Variants in BAAT observed in about 807,000 individuals in gnomAD.
BAAT encodes the protein bile acid-CoA:amino acid N-acyltransferase.
In BAAT, 13 loss-of-function variants were observed where a neutral mutation model predicts 18.9. That is an observed-to-expected ratio of 0.69 (90% CI 0.45 to 1.10). The LOEUF is 1.10. Ranked by LOEUF, BAAT falls within the 50% of genes least tolerant of loss-of-function variation. BAAT has a pLI of 0.00. For missense variants in BAAT, 489 were observed against 504.0 expected (o/e 0.97, Z 0.28); for synonymous variants, 170 against 190.7 (o/e 0.89, Z 0.89).
chr9:101,382,541 A>G (rs1044866797), intron 1 of BAAT, among the ~76,000 whole-genome samples: 3 of 151,940 alleles, frequency 2.0e-5, no homozygotes, highest in African/African-American at 7.3e-5. Context: ...GAGGCACTTG[A>G]CCTCCAAGAT....
Position 101,362,688 on chromosome 9 carries a change from T to C in BAAT, c.997A>G (p.Ser333Gly), listed in dbSNP as rs139829321. 2.8e-4 allele frequency: 444 copies of C among 1,614,220 alleles called. 1 individual carries two copies. In the African/African-American group the frequency reaches 5.1e-3, roughly 18 times the overall value. Residue 333 changes from serine (S) to glycine (G), a missense_variant, in exon 4 of 4, where the codon AGC becomes GGC. Transcript: ENST00000259407. ...IVGEGDKTINSKAHAEQAIGQ... is the reference protein window; with the variant it reads ...IVGEGDKTINGKAHAEQAIGQ... ...ATGGCTTGTTCAGCGTGTGCTTTGC[T>C]GTTGATAGTCTTATCACCTTCTCCT...
At chr9:101,370,857 C>A in intron 2 of BAAT, 82 bp downstream of exon 2, 1 of 1,415,150 alleles carries the variant, frequency 7.1e-7, no homozygotes, top group Non-Finnish European at 1.0e-6. Context: ...ATTCTACAAG[C>A]TATTCAAGCT....
intron 3 of BAAT, among the ~76,000 whole-genome samples, chr9:101,365,377 G>A (rs539226121): frequency 4.7e-4 from 71 of 151,304 alleles, no homozygotes; most frequent in Non-Finnish European, 7.4e-4. Context: ...AATTCTTAGG[G>A]TAAGAGGGAA....
chr9:101,383,770 GTTGT>G (rs1405603606), intron 1 of BAAT, among the ~76,000 whole-genome samples: 1 of 152,096 alleles, frequency 6.6e-6, no homozygotes, highest in African/African-American at 2.4e-5. Flanking sequence ...CTTTATAGAA[GTTGT>G]TTGACCCCTA....
Position 101,362,491 on chromosome 9 carries a change from A to G in BAAT, c.1194T>C (p.Ala398=), listed in dbSNP as rs1829744290. 1 of 1,613,992 alleles carries G rather than the reference A, an allele frequency of 6.2e-7. No homozygotes were observed. The highest frequency in any genetic ancestry group is 1.3e-5 in the African/African-American group (1 of 74,910). Reference sequence around the variant, plus strand: ...TGAGAAATCTCTGGATCTCCTTCCAAGCATGTTCCTGTGCAGCTGCGTGTG... The same window carrying G: ...TGAGAAATCTCTGGATCTCCTTCCAGGCATGTTCCTGTGCAGCTGCGTGTG... ...VIPHAAAQEH[A]WKEIQRFLRK... The change falls in exon 4 of 4, where the codon GCT becomes GCC. Residue 398 remains alanine (A), a synonymous_variant. Coordinates refer to ENST00000259407, the MANE Select transcript of BAAT (RefSeq NM_001701.4).
At position 101,362,086 on chromosome 9, in the gene BAAT, T is replaced by G; in HGVS notation, c.*342A>C. The G allele has an allele frequency of 2.9e-6, 1 of 349,210 alleles. No individual in the cohort carries two copies. Among genetic ancestry groups the G allele is most frequent in the Non-Finnish European group, 5.3e-6 (1 of 189,706 alleles). The allele number at this position is 349,210 out of a possible 1,614,324, so 21.6% of individuals were successfully genotyped here. On this transcript the variant is annotated 3_prime_UTR_variant, in exon 4 of 4. Coordinates refer to ENST00000259407, the MANE Select transcript of BAAT (RefSeq NM_001701.4). ...CTATATAGTGTTTTCTGACATGGTA[T>G]TTGGTTTTATATCTGTTACTTTGGT... is the stretch of plus-strand genomic sequence containing the variant.
chr9:101,374,829 C>A (rs977689206), intron 1 of BAAT, among the ~76,000 whole-genome samples: 4 of 151,858 alleles, frequency 2.6e-5, no homozygotes, highest in African/African-American at 4.8e-5. Context: ...TTATATCATA[C>A]CTGCTTTATT....
At chr9:101,371,729 C>T (rs1421933057) in intron 1 of BAAT, among the ~76,000 whole-genome samples, 1 of 152,140 alleles carries the variant, frequency 6.6e-6, no homozygotes, top group Non-Finnish European at 1.5e-5. Flanking sequence ...GGTATCAATA[C>T]ATCTAGGAAG....
intron 1 of BAAT, among the ~76,000 whole-genome samples, chr9:101,380,759 C>T (rs1005061191): frequency 2.6e-5 from 4 of 151,946 alleles, no homozygotes; most frequent in Non-Finnish European, 5.9e-5. Context: ...TGTGTATTTG[C>T]TTTTTATTTT....
chr9:101,372,897 G>A (rs1232259083), intron 1 of BAAT, among the ~76,000 whole-genome samples: 1 of 152,146 alleles, frequency 6.6e-6, no homozygotes, highest in Admixed American at 6.5e-5. Flanking sequence ...CCAAGAAACT[G>A]TAGCCACAGA....
At chr9:101,379,283 G>C (rs543607540) in intron 1 of BAAT, among the ~76,000 whole-genome samples, 115 of 152,334 alleles carry the variant, frequency 7.5e-4, no homozygotes, top group South Asian at 5.6e-3. Context: ...TTACAGGCGT[G>C]AGCCACCGCA....
rs748801356 is a variant in BAAT, at chr9:101,371,259, T to A, written c.146A>T (p.His49Leu). 1 of 1,613,092 alleles carries A rather than the reference T, an allele frequency of 6.2e-7. No individual in the cohort carries two copies. The highest frequency in any genetic ancestry group is 8.5e-7 in the Non-Finnish European group (1 of 1,179,212). ...CTCACCGAATTCATTGGCCCTATAGTGGGCTTGAGAATAAAACATGTCTCC... is the reference window on the plus strand; with the variant it reads ...CTCACCGAATTCATTGGCCCTATAGAGGGCTTGAGAATAAAACATGTCTCC... ...ENGDMFYSQA[H>L]YRANEFGEVD... The change falls in exon 2 of 4, where the codon CAC (histidine) becomes CTC (leucine). Residue 49 changes from histidine (H) to leucine (L), a missense_variant. His to Leu is a moderately conservative substitution (Grantham distance 99). Transcript: ENST00000259407.
intron 1 of BAAT, among the ~76,000 whole-genome samples, 167 bp downstream of exon 1, chr9:101,384,688 T>C (rs1408730576): frequency 6.6e-6 from 1 of 152,142 alleles, no homozygotes; most frequent in Non-Finnish European, 1.5e-5. Context: ...TAGTCATAAA[T>C]ACACATAAAT....
chr9:101,362,267 T>C lies in BAAT; in HGVS notation c.*161A>G. On this transcript the variant is annotated 3_prime_UTR_variant, in exon 4 of 4. Transcript: ENST00000259407. ...CCAGTTTGGTTAGCTTGTTATGCAG[T>C]ATAAGTGAAATATCAGGTTTTTACC... The C allele has an allele frequency of 1.4e-6, 1 of 732,358 alleles. No individual in the cohort carries two copies. Among genetic ancestry groups the C allele is most frequent in the Non-Finnish European group, 2.3e-6 (1 of 442,112 alleles). The allele number at this position is 732,358 out of a possible 1,614,324, so 45.4% of individuals were successfully genotyped here.
At chr9:101,379,887 T>A (rs974863073) in intron 1 of BAAT, among the ~76,000 whole-genome samples, 1 of 152,240 alleles carries the variant, frequency 6.6e-6, no homozygotes, top group South Asian at 2.1e-4. Flanking sequence ...TTATCTCTCA[T>A]TGTTTTACTT....
At position 101,362,730 on chromosome 9, in the gene BAAT, GC is replaced by G; in HGVS notation, c.954del (p.Gln319AsnfsTer6). ...QYLFPIEEAQ[G>X]QFLFIVGEGD... Reference sequence around the variant, plus strand: ...CCTTCTCCTACAATGAAGAGGAATTGCCCCTGGGCCTCTTCAATAGGAAACA... The same window carrying G: ...CCTTCTCCTACAATGAAGAGGAATTGCCCTGGGCCTCTTCAATAGGAAACA... On this transcript the variant is annotated frameshift_variant, in exon 4 of 4. Transcript: ENST00000259407. LOFTEE classifies it low-confidence loss of function (END_TRUNC). 12 of 1,614,164 alleles carry G rather than the reference GC, an allele frequency of 7.4e-6. No homozygotes were observed. Among genetic ancestry groups the G allele is most frequent in the Non-Finnish European group, 1.0e-5 (12 of 1,180,040 alleles).
In BAAT at chr9:101,360,495, C is replaced by G. The variant is rs964618136; in HGVS notation, c.*1933G>C. The G allele has an allele frequency of 1.3e-5, 2 of 152,256 alleles. No homozygotes were observed. The highest frequency in any genetic ancestry group is 2.9e-5 in the Non-Finnish European group (2 of 68,058). 9.4% of individuals were successfully genotyped at this position (152,256 alleles called of 1,614,324 possible). Reference sequence around the variant, plus strand: ...AAGCATAATGCTTGCATCTACTTGGCTTCTGGGGAGGCCTCAGGAAGTTTA... The same window carrying G: ...AAGCATAATGCTTGCATCTACTTGGGTTCTGGGGAGGCCTCAGGAAGTTTA... On this transcript the variant is annotated 3_prime_UTR_variant, in exon 4 of 4. Coordinates refer to ENST00000259407, the MANE Select transcript of BAAT (RefSeq NM_001701.4).
intron 1 of BAAT, among the ~76,000 whole-genome samples, chr9:101,374,632 A>C (rs1045895128): frequency 1.7e-4 from 26 of 152,186 alleles, no homozygotes; most frequent in African/African-American, 4.6e-4. Context: ...TGTCATGATA[A>C]AATCTAAAAA....
intron 1 of BAAT, among the ~76,000 whole-genome samples, chr9:101,376,941 G>A (rs1830058268): frequency 6.6e-6 from 1 of 152,162 alleles, no homozygotes; most frequent in Admixed American, 6.5e-5. Context: ...GTGCTGCAAT[G>A]AACTTTCATA....
Sources: gnomAD v4.1 joint callset for allele counts (sites outside exome capture counted in the v4.1 genomes callset) on GRCh38, gnomAD v4.1.1 for gene constraint, MANE v1.5 for transcripts, NCBI Gene and HGNC (gene_info 2026-07-23, HGNC 2026-07-21) for gene names.